The following FMN2 variants were observed in gnomAD, a reference collection of about 807,000 sequenced individuals.
FMN2 encodes formin-2.
A neutral mutation model predicts 142.3 loss-of-function variants in FMN2; 51 were observed. The observed-to-expected ratio is 0.36, with a 90% CI of 0.29 to 0.45. The LOEUF (loss-of-function observed/expected upper bound fraction) is 0.45, where lower values mean the gene tolerates loss of function less well. Among genes scored for constraint, FMN2 ranks in the 20% least tolerant of loss-of-function variants. FMN2 has a pLI of 1.00. For synonymous variants in FMN2, 882 were observed against 869.8 expected (o/e 1.01, Z -0.25); for missense variants, 1,936 against 2,122.8 (o/e 0.91, Z 1.73).
At chr1:240,168,082 GT>G (rs1664552003) in intron 2 of FMN2, among the ~76,000 whole-genome samples, 2 of 152,254 alleles carry the variant, frequency 1.3e-5, no homozygotes, top group Non-Finnish European at 1.5e-5. Flanking sequence ...AATATACACA[GT>G]GGATGCTGTG....
intron 4 of FMN2, among the ~76,000 whole-genome samples, chr1:240,200,995 C>A (rs550252496): frequency 1.2e-4 from 18 of 152,136 alleles, no homozygotes; most frequent in Non-Finnish European, 2.4e-4. Flanking sequence ...TCACTACTTC[C>A]TCTGCCATTT....
chr1:240,396,496 G>C (rs372334801), intron 15 of FMN2, among the ~76,000 whole-genome samples: 2 of 151,606 alleles, frequency 1.3e-5, no homozygotes, highest in South Asian at 4.2e-4. Context: ...GGGTACACGT[G>C]CAGGTTTGTT....
intron 2 of FMN2, among the ~76,000 whole-genome samples, chr1:240,174,297 C>T (rs189790487): frequency 3.3e-5 from 5 of 152,232 alleles, no homozygotes; most frequent in Admixed American, 3.3e-4. Flanking sequence ...GTATCATTAC[C>T]ACTAACTGGA....
At chr1:240,428,023 A>G (rs1381044761) in intron 15 of FMN2, among the ~76,000 whole-genome samples, 10 of 152,220 alleles carry the variant, frequency 6.6e-5, no homozygotes, top group Non-Finnish European at 2.9e-5. Context: ...GAGTTATTCA[A>G]TTGTGTGTTT....
At chr1:240,185,580 C>A (rs1665408950) in intron 3 of FMN2, among the ~76,000 whole-genome samples, 1 of 152,218 alleles carries the variant, frequency 6.6e-6, no homozygotes, top group African/African-American at 2.4e-5. Flanking sequence ...ATGTGGTTTT[C>A]TAAGTACGTT....
intron 16 of FMN2, among the ~76,000 whole-genome samples, chr1:240,455,882 G>A (rs9660057): frequency 0.74 from 112,975 of 151,758 alleles, 42,229 homozygotes; most frequent in Middle Eastern, 0.82. Context: ...GGCTGAGACA[G>A]GAGATTTGCT....
At chr1:240,459,271 T>A (rs1676356134) in intron 16 of FMN2, 2 of 152,156 alleles carry the variant, frequency 1.3e-5, no homozygotes, top group Admixed American at 1.3e-4. Context: ...GCTCTTTATT[T>A]ACAAAATGGA....
At position 240,394,101 on chromosome 1, in the gene FMN2, G is replaced by GC. The variant is rs541865729; in HGVS notation, c.4910+1540dup. Among the ~76,000 whole-genome samples the GC allele has an allele frequency of 3.3e-4, 51 of 152,302 alleles. 1 individual carries two copies. In the East Asian group the frequency reaches 7.2e-3, roughly 21 times the overall value. ...AAGAGGAGGTACTCAGCAGCAAGCA[G>GC]CTGGTGGGTTAGGCAGTCACAATGG... On this transcript the variant is annotated intron_variant, in intron 15 of 17. Coordinates refer to ENST00000319653, the MANE Select transcript of FMN2 (RefSeq NM_020066.5).
chr1:240,467,837 T>C (rs1676671634), intron 16 of FMN2, among the ~76,000 whole-genome samples: 1 of 152,236 alleles, frequency 6.6e-6, no homozygotes, highest in South Asian at 2.1e-4. Context: ...TTGTAAAATA[T>C]TAAAATAAAC....
intron 6 of FMN2, among the ~76,000 whole-genome samples, chr1:240,244,373 TC>T (rs1668011663): frequency 6.6e-6 from 1 of 152,222 alleles, no homozygotes; most frequent in South Asian, 2.1e-4. Context: ...CTTCAAGTTA[TC>T]TCTATTGGAT....
At chr1:240,393,226 A>G (rs1286214313) in intron 15 of FMN2, among the ~76,000 whole-genome samples, 2 of 151,900 alleles carry the variant, frequency 1.3e-5, no homozygotes, top group Non-Finnish European at 2.9e-5. Context: ...TAGCAAGTCT[A>G]TCGGTGCCAT....
At chr1:240,216,416 C>A (rs1479043209) in intron 6 of FMN2, among the ~76,000 whole-genome samples, 1 of 152,126 alleles carries the variant, frequency 6.6e-6, no homozygotes. Flanking sequence ...ATTGGTCTAA[C>A]CATTTAATGC....
chr1:240,303,315 A>G (rs1356937043), intron 8 of FMN2, among the ~76,000 whole-genome samples: 2 of 151,728 alleles, frequency 1.3e-5, no homozygotes, highest in African/African-American at 4.8e-5. Context: ...ATCCTGCAGG[A>G]CTCCCTTGAG....
intron 1 of FMN2, among the ~76,000 whole-genome samples, chr1:240,117,892 C>G (rs1206791778): frequency 2.0e-5 from 3 of 152,146 alleles, no homozygotes; most frequent in Non-Finnish European, 4.4e-5. Context: ...AATTCAAGGG[C>G]TAAGCTCTCT....
chr1:240,318,100 C>T (rs527635870), intron 8 of FMN2, among the ~76,000 whole-genome samples: 6 of 152,260 alleles, frequency 3.9e-5, no homozygotes, highest in South Asian at 2.1e-4. Flanking sequence ...TGCTCATTTG[C>T]GCCACCTCAG....
intron 2 of FMN2, among the ~76,000 whole-genome samples, chr1:240,148,977 A>AAAAGT (rs145912288): frequency 3.3e-5 from 5 of 150,054 alleles, no homozygotes; most frequent in Non-Finnish European, 7.4e-5. Flanking sequence ...GTCTCAAAAA[A>AAAAGT]AAATAAATAA....
intron 1 of FMN2, among the ~76,000 whole-genome samples, chr1:240,099,513 G>GT (rs1661341139): frequency 6.6e-6 from 1 of 152,040 alleles, no homozygotes; most frequent in Admixed American, 6.6e-5. Flanking sequence ...GACACCCTCA[G>GT]TGTTTCTGCT....
intron 7 of FMN2, among the ~76,000 whole-genome samples, chr1:240,276,974 G>C (rs1219959144): frequency 2.0e-5 from 3 of 152,158 alleles, no homozygotes. Context: ...TTTAAATCAG[G>C]AAGTTGTTTT....
intron 16 of FMN2, among the ~76,000 whole-genome samples, chr1:240,464,863 A>G (rs1421983623): frequency 6.6e-6 from 1 of 152,130 alleles, no homozygotes; most frequent in Non-Finnish European, 1.5e-5. Context: ...TGTGTTAGGA[A>G]CTACTTTGTG....
Sources: allele counts gnomAD v4.1 joint callset (sites outside exome capture counted in the v4.1 genomes callset), GRCh38; gene constraint gnomAD v4.1.1; transcripts MANE v1.5; gene names NCBI Gene and HGNC (gene_info 2026-07-23, HGNC 2026-07-21).